PALD1: variants seen among roughly 807,000 people sequenced by gnomAD.
PALD1 encodes the protein phosphatase domain containing paladin 1.
A neutral mutation model predicts 96.0 loss-of-function variants in PALD1; 57 were observed. The ratio of observed to expected loss-of-function variants is 0.59; its 90% confidence interval spans 0.48 to 0.74. The LOEUF is 0.74. Ranked by LOEUF, PALD1 falls within the 30% of genes least tolerant of loss-of-function variation. The pLI is 0.00. For synonymous variants in PALD1, 464 were observed against 473.6 expected (o/e 0.98, Z 0.26); for missense variants, 1,063 against 1,143.7 (o/e 0.93, Z 1.02).
chr10:70,521,431 C>T (rs115858250), intron 1 of PALD1, among the ~76,000 whole-genome samples: 318 of 152,212 alleles, frequency 2.1e-3, no homozygotes, highest in African/African-American at 6.3e-3. Flanking sequence ...AGGTGCCCAG[C>T]GCTTCATGAG....
chr10:70,567,147 T>G lies in PALD1; in HGVS notation c.*414T>G. 1 of 167,618 alleles carries G rather than the reference T, an allele frequency of 6.0e-6. No individual in the cohort carries two copies. Among genetic ancestry groups the G allele is most frequent in the Non-Finnish European group, 1.3e-5 (1 of 78,698 alleles). 10.4% of individuals were successfully genotyped at this position (167,618 alleles called of 1,614,324 possible). A position where few individuals can be genotyped will look rare whatever the true frequency, so the allele number is the denominator to read the frequency against. On this transcript the variant is annotated 3_prime_UTR_variant, in exon 20 of 20. Transcript: ENST00000263563. ...GGCACAGAGCAGACCCGGCCACTGG[T>G]AGCTCCCCACTTCCTTACTCCTGCT...
chr10:70,476,217 T>G (rs947201109), upstream of PALD1, among the ~76,000 whole-genome samples: 4 of 152,226 alleles, frequency 2.6e-5, no homozygotes, highest in Non-Finnish European at 4.4e-5. Flanking sequence ...TCAGGAATCT[T>G]CTGCTGCAGT....
intron 8 of PALD1, 142 bp downstream of exon 8, chr10:70,534,215 G>A (rs1027115437): frequency 2.7e-5 from 29 of 1,069,200 alleles, no homozygotes; most frequent in Admixed American, 1.2e-4. Context: ...GGTTTGCCAC[G>A]AGACTTGCTG....
chr10:70,461,540 C>T, the PALD1 span, among the ~76,000 whole-genome samples: 4 of 152,336 alleles, frequency 2.6e-5, no homozygotes, highest in East Asian at 7.7e-4. Context: ...GGAGGCCCAG[C>T]TGCCAAAGTT....
the PALD1 span, among the ~76,000 whole-genome samples, chr10:70,472,287 T>G: frequency 6.6e-6 from 1 of 151,890 alleles, no homozygotes; most frequent in Non-Finnish European, 1.5e-5. Context: ...TGAGACGGAG[T>G]TTTGCTCTTG....
In PALD1 at chr10:70,566,958, C is replaced by G. The variant is rs1847868577; in HGVS notation, c.*225C>G. ...AACCACCAAGGTGTGTGGCTGACCT[C>G]CAGGGAGGAGCACTCACTGGAGTGC... On this transcript the variant is annotated 3_prime_UTR_variant, in exon 20 of 20. Transcript: ENST00000263563. The G allele has an allele frequency of 1.3e-5, 7 of 536,754 alleles. No homozygotes were observed. The Admixed American group carries it at 1.8e-4, about 14-fold the overall frequency. 33.2% of individuals were successfully genotyped at this position (536,754 alleles called of 1,614,324 possible). A position where few individuals can be genotyped will look rare whatever the true frequency, so the allele number is the denominator to read the frequency against.
chr10:70,478,277 C>T (rs1845860823), upstream of PALD1, among the ~76,000 whole-genome samples: 2 of 152,218 alleles, frequency 1.3e-5, 1 homozygote, highest in South Asian at 4.1e-4. Context: ...CAGAGCGCAC[C>T]ATCATCCAGC....
At chr10:70,468,652 G>GCTTAT in the PALD1 span, among the ~76,000 whole-genome samples, 2 of 152,064 alleles carry the variant, frequency 1.3e-5, no homozygotes, top group African/African-American at 2.4e-5. Flanking sequence ...CTTATGGACG[G>GCTTAT]GGTGTAGTGG....
chr10:70,524,110 C>G (rs1589194322), intron 1 of PALD1, among the ~76,000 whole-genome samples: 1 of 152,180 alleles, frequency 6.6e-6, no homozygotes, highest in Admixed American at 6.5e-5. Flanking sequence ...CAGACAGTCC[C>G]TACTGATGTG....
intron 1 of PALD1, among the ~76,000 whole-genome samples, chr10:70,503,671 A>T (rs1029095963): frequency 6.6e-6 from 1 of 152,204 alleles, no homozygotes; most frequent in South Asian, 2.1e-4. Context: ...ATAAAAATAC[A>T]TTGAAAATAT....
chr10:70,495,864 C>G (rs1018650627), intron 1 of PALD1, among the ~76,000 whole-genome samples: 1 of 151,118 alleles, frequency 6.6e-6, no homozygotes, highest in African/African-American at 2.4e-5. Flanking sequence ...AAAAAATTAG[C>G]CAGCTGCGGT....
In PALD1 at chr10:70,543,011, G is replaced by T. The variant is rs1847283474; in HGVS notation, c.2121+1477G>T. Among the ~76,000 whole-genome samples, 5 of 149,542 alleles carry T rather than the reference G, an allele frequency of 3.3e-5. No homozygotes were observed. In the South Asian group the frequency reaches 1.1e-3, roughly 32 times the overall value. On this transcript the variant is annotated intron_variant, in intron 17 of 19. Coordinates refer to ENST00000263563, the MANE Select transcript of PALD1 (RefSeq NM_014431.3). ...TGGTCTCGAACTCCTGACCTCAGAT[G>T]ATCCACCCGCCTCGGCCTCCCAAAG...
At chr10:70,538,440 A>C (rs1299843681) in intron 12 of PALD1, 32 bp downstream of exon 12, 1 of 1,602,042 alleles carries the variant, frequency 6.2e-7, no homozygotes, top group Non-Finnish European at 8.5e-7. Context: ...AGAAGTGGGC[A>C]TGGCTGTGTA....
Position 70,529,874 on chromosome 10 carries a change from G to C in PALD1, c.289-15G>C, listed in dbSNP as rs202089641. The C allele has an allele frequency of 7.1e-5, 114 of 1,612,258 alleles. No homozygotes were observed. Among genetic ancestry groups the C allele is most frequent in the Middle Eastern group, 3.3e-4 (2 of 6,048 alleles). On this transcript the variant is annotated splice_polypyrimidine_tract_variant and intron_variant, in intron 3 of 19. Transcript: ENST00000263563. ...GAGCCATCTGAGTGACCTTCCTGTG[G>C]CTCTCCCCTGCCAGGGCCGCTACTT...
At chr10:70,510,260 G>A (rs959556532) in intron 1 of PALD1, among the ~76,000 whole-genome samples, 2 of 152,066 alleles carry the variant, frequency 1.3e-5, no homozygotes, top group Admixed American at 6.6e-5. Context: ...CTGGGAGATT[G>A]CTGGAGGTTG....
chr10:70,546,652 A>G (rs1847370385), intron 17 of PALD1, among the ~76,000 whole-genome samples: 1 of 152,254 alleles, frequency 6.6e-6, no homozygotes, highest in Non-Finnish European at 1.5e-5. Flanking sequence ...TTCTTAAAGA[A>G]CAATTTGCCT....
chr10:70,462,265 A>T, the PALD1 span, among the ~76,000 whole-genome samples: 1 of 152,220 alleles, frequency 6.6e-6, no homozygotes, highest in South Asian at 2.1e-4. Context: ...GGAAGTTAAC[A>T]TTAAGGCTTT....
At chr10:70,536,317 C>T (rs565873120) in intron 10 of PALD1, among the ~76,000 whole-genome samples, 25 of 149,072 alleles carry the variant, frequency 1.7e-4, no homozygotes, top group South Asian at 1.6e-3. Flanking sequence ...CAAAACAAAA[C>T]GAACCCAAAC....
At chr10:70,521,169 C>T (rs1846726323) in intron 1 of PALD1, among the ~76,000 whole-genome samples, 1 of 152,100 alleles carries the variant, frequency 6.6e-6, no homozygotes, top group Non-Finnish European at 1.5e-5. Context: ...AGCTGTGTAT[C>T]TCTCTAGGAG....
Sources: gnomAD v4.1 joint callset for allele counts (sites outside exome capture counted in the v4.1 genomes callset) on GRCh38, gnomAD v4.1.1 for gene constraint, MANE v1.5 for transcripts, NCBI Gene and HGNC (gene_info 2026-07-23, HGNC 2026-07-21) for gene names.